The following CASK variants were observed in gnomAD, a reference collection of about 807,000 sequenced individuals.
The protein encoded by CASK is peripheral plasma membrane protein CASK.
In CASK, 4 loss-of-function variants were observed where a neutral mutation model predicts 82.9. The ratio of observed to expected loss-of-function variants is 0.05; its 90% CI spans 0.02 to 0.11. CASK has a LOEUF of 0.11. Among genes scored for constraint, CASK ranks in the 10% least tolerant of loss-of-function variants. The pLI is 1.00. For missense variants in CASK, 358 were observed against 720.9 expected, an observed-to-expected ratio of 0.50 and a Z score of 5.76; for synonymous variants, 259 against 253.5, an observed-to-expected ratio of 1.02 and a Z score of -0.20.
chrX:41,866,418 T>C (rs2071592931), intron 1 of CASK, among the ~76,000 whole-genome samples: 1 of 112,284 alleles, frequency 8.9e-6, no homozygotes, highest in African/African-American at 3.2e-5. Flanking sequence ...AATGGGAGAT[T>C]AAAAGAAAAC....
At chrX:41,830,815 G>GTCT (rs1491146442) in intron 2 of CASK, among the ~76,000 whole-genome samples, 1 of 59,889 alleles carries the variant, frequency 1.7e-5, no homozygotes, top group East Asian at 4.3e-4. Flanking sequence ...GCGAGACTCT[G>GTCT]CCAAAAAAAA....
intron 8 of CASK, among the ~76,000 whole-genome samples, chrX:41,652,424 G>A (rs1258944592): frequency 8.0e-5 from 9 of 112,131 alleles, no homozygotes; most frequent in Non-Finnish European, 1.1e-4. Context: ...CTACAGCTCC[G>A]TTTCCTGGAA....
intron 11 of CASK, among the ~76,000 whole-genome samples, chrX:41,612,541 C>T (rs1275798401): frequency 1.9e-5 from 2 of 106,928 alleles, no homozygotes; most frequent in African/African-American, 3.4e-5. Context: ...GGGTCAGCCC[C>T]CCGCCCGGCC....
chrX:41,609,804 G>A (rs1415670480), intron 12 of CASK, 100 bp downstream of exon 12: 2 of 892,250 alleles, frequency 2.2e-6, no homozygotes, highest in East Asian at 3.3e-5. Context: ...TGATACGCCC[G>A]CCTCTGCCTC....
intron 3 of CASK, among the ~76,000 whole-genome samples, chrX:41,756,693 C>T (rs1174633005): frequency 2.7e-5 from 3 of 112,397 alleles, no homozygotes; most frequent in South Asian, 7.3e-4. Context: ...TTAACTCATT[C>T]AATGTTTACA....
chrX:41,910,151 G>C (rs1364252021), intron 1 of CASK, among the ~76,000 whole-genome samples: 1 of 110,486 alleles, frequency 9.1e-6, no homozygotes, highest in African/African-American at 3.3e-5. Context: ...GAACCCAGGA[G>C]GCGGAGGTTG....
At chrX:41,562,731 T>C (rs1569307502) in intron 16 of CASK, 1 of 110,876 alleles carries the variant, frequency 9.0e-6, no homozygotes, top group Non-Finnish European at 1.9e-5. Flanking sequence ...AAGACAGTAC[T>C]TAGAGGGAGA....
At chrX:41,674,403 A>G (rs2067238625) in intron 5 of CASK, among the ~76,000 whole-genome samples, 1 of 111,817 alleles carries the variant, frequency 8.9e-6, no homozygotes, top group African/African-American at 3.2e-5. Flanking sequence ...AGACTATAAG[A>G]GTATCAAGAA....
chrX:41,622,248 T>C (rs1181893422), intron 11 of CASK, among the ~76,000 whole-genome samples: 1 of 112,424 alleles, frequency 8.9e-6, no homozygotes, highest in East Asian at 2.8e-4. Context: ...GGTGATGTAA[T>C]TGTCAAAGAA....
Position 41,711,411 on chromosome X carries a change from T to C in CASK, c.429+27973A>G, listed in dbSNP as rs775139154. Among the ~76,000 whole-genome samples, 3 of 111,520 alleles carry C rather than the reference T, an allele frequency of 2.7e-5. No homozygotes were observed. The East Asian group carries it at 8.4e-4, about 31-fold the overall frequency. On this transcript the variant is annotated intron_variant, in intron 5 of 26. Transcript: ENST00000378163. The stretch of plus-strand genomic sequence containing the variant: ...AAACTATGAATTGGTTTCAGTGAGG[T>C]AGGGTTTGCTAGAATGGACTTGGCT...
chrX:41,671,871 G>T (rs2067201503), intron 5 of CASK, among the ~76,000 whole-genome samples: 1 of 111,762 alleles, frequency 8.9e-6, no homozygotes, highest in South Asian at 3.7e-4. Context: ...TTGAGTGACA[G>T]TCTAGATTTC....
intron 5 of CASK, among the ~76,000 whole-genome samples, chrX:41,700,931 C>CAAAA (rs1215266415): frequency 0.041 from 1,493 of 36,300 alleles, 66 homozygotes; most frequent in Middle Eastern, 0.11. Flanking sequence ...GACTCCGTCT[C>CAAAA]AAAAAAAAAA....
At chrX:41,718,721 A>G (rs771572033) in intron 5 of CASK, among the ~76,000 whole-genome samples, 1 of 112,005 alleles carries the variant, frequency 8.9e-6, no homozygotes, top group Admixed American at 9.5e-5. Flanking sequence ...TGGACTCTCA[A>G]TGCAATAGAA....
chrX:41,549,736 A>T (rs1055281193), intron 21 of CASK, among the ~76,000 whole-genome samples: 1 of 109,979 alleles, frequency 9.1e-6, no homozygotes, highest in Non-Finnish European at 1.9e-5. Context: ...GCTACTTGGG[A>T]GGCTGAGATA....
intron 11 of CASK, 27 bp downstream of exon 11, chrX:41,622,590 C>G (rs908120743): frequency 1.7e-6 from 2 of 1,182,818 alleles, no homozygotes; most frequent in Admixed American, 2.2e-5. Flanking sequence ...AAAGATACAC[C>G]TTAAAGGAAA....
At chrX:41,758,890 T>G in intron 3 of CASK, among the ~76,000 whole-genome samples, 1 of 112,159 alleles carries the variant, frequency 8.9e-6, no homozygotes, top group Middle Eastern at 4.2e-3. Context: ...CTCAAATGCC[T>G]CTTTACCAAT....
At chrX:41,881,219 T>C (rs767821047) in intron 1 of CASK, among the ~76,000 whole-genome samples, 1 of 111,583 alleles carries the variant, frequency 9.0e-6, no homozygotes, top group African/African-American at 3.2e-5. Context: ...CCCTTGGTGC[T>C]CACAAAGCAC....
intron 8 of CASK, among the ~76,000 whole-genome samples, chrX:41,647,519 G>C (rs995632168): frequency 4.5e-5 from 5 of 111,114 alleles, no homozygotes; most frequent in African/African-American, 1.6e-4. Context: ...CTGTTTAATC[G>C]GTTTGTTTTT....
intron 8 of CASK, among the ~76,000 whole-genome samples, chrX:41,645,076 G>A (rs1276519946): frequency 1.8e-5 from 2 of 110,401 alleles, no homozygotes; most frequent in Non-Finnish European, 3.8e-5. Flanking sequence ...ACACCTATTC[G>A]CACACTCCTT....
Sources: gnomAD v4.1 joint callset for allele counts (sites outside exome capture counted in the v4.1 genomes callset) on GRCh38, gnomAD v4.1.1 for gene constraint, MANE v1.5 for transcripts, NCBI Gene and HGNC (gene_info 2026-07-23, HGNC 2026-07-21) for gene names.